Variants in DIAPH3 observed in about 807,000 individuals in gnomAD.
DIAPH3 encodes diaphanous related formin 3.
DIAPH3 carries 117 observed loss-of-function variants against 144.3 expected under a neutral mutation model. That is an observed-to-expected ratio of 0.81 (90% CI 0.70 to 0.95). The LOEUF is 0.95. Among genes scored for constraint, DIAPH3 ranks in the 40% least tolerant of loss-of-function variants. The pLI is 0.00. For synonymous variants in DIAPH3, 519 were observed against 488.9 expected (o/e 1.06, Z -0.81); for missense variants, 1,421 against 1,412.7 (o/e 1.01, Z -0.09).
intron 1 of DIAPH3, among the ~76,000 whole-genome samples, chr13:60,149,093 G>C (rs1010353337): frequency 6.6e-6 from 1 of 152,322 alleles, no homozygotes; most frequent in Middle Eastern, 3.4e-3. Context: ...GAGGAAAGGG[G>C]TTGTTTGGTT....
At chr13:59,751,888 T>C (rs553157642) in intron 27 of DIAPH3, among the ~76,000 whole-genome samples, 8 of 152,338 alleles carry the variant, frequency 5.3e-5, no homozygotes, top group South Asian at 4.1e-4. Flanking sequence ...TCAAGCTTCA[T>C]AAATTGGTCC....
intron 19 of DIAPH3, among the ~76,000 whole-genome samples, chr13:59,913,907 G>A (rs761861623): frequency 7.2e-5 from 11 of 151,834 alleles, no homozygotes; most frequent in Non-Finnish European, 1.6e-4. Context: ...GCAGTAAGCC[G>A]AGATCGCACC....
chr13:59,917,889 CAAAAAAAAAAAAAA>C (rs60792156), intron 18 of DIAPH3, among the ~76,000 whole-genome samples: 11 of 18,642 alleles, frequency 5.9e-4, no homozygotes, highest in Non-Finnish European at 9.8e-4. Flanking sequence ...GACTCTGTCT[CAAAAAAAAAAAAAA>C]AAAAAAAAAA....
At chr13:59,803,003 C>CA (rs1269382984) in intron 25 of DIAPH3, among the ~76,000 whole-genome samples, 1 of 152,064 alleles carries the variant, frequency 6.6e-6, no homozygotes, top group African/African-American at 2.4e-5. Context: ...TATGAATCAG[C>CA]AAAATTTTTC....
At chr13:59,970,122 C>A (rs1220681971) in intron 16 of DIAPH3, 64 bp from the exon 17 acceptor site, 2 of 878,126 alleles carry the variant, frequency 2.3e-6, no homozygotes, top group Non-Finnish European at 3.7e-6. Flanking sequence ...AAGTCAAGCA[C>A]TATGCATACA....
intron 27 of DIAPH3, among the ~76,000 whole-genome samples, chr13:59,773,389 C>T (rs966498542): frequency 6.6e-6 from 1 of 152,156 alleles, no homozygotes; most frequent in Admixed American, 6.5e-5. Context: ...CTTAAGTCAT[C>T]TGCACCCAAA....
chr13:59,833,199 G>T lies in DIAPH3; in HGVS notation c.2935C>A (p.Gln979Lys). 1 of 1,609,400 alleles carries T rather than the reference G, an allele frequency of 6.2e-7. No individual in the cohort carries two copies. The highest frequency in any genetic ancestry group is 8.5e-7 in the Non-Finnish European group (1 of 1,177,188). ...KLHENMEKLY[Q>K]SIIGYYAIDV... ...ATGGCATAGTATCCTATTATACTCT[G>T]GTATAACTTTTCCATGTTTTCGTGT... The change falls in exon 24 of 28, where the codon CAG becomes AAG. Residue 979 changes from glutamine (Q) to lysine (K), a missense_variant. Transcript: ENST00000400324.
At chr13:60,024,537 C>T (rs182325667) in intron 5 of DIAPH3, among the ~76,000 whole-genome samples, 1 of 152,148 alleles carries the variant, frequency 6.6e-6, no homozygotes, top group African/African-American at 2.4e-5. Context: ...CCTATTGTAA[C>T]ACTTTTATGA....
At chr13:59,936,469 C>A (rs1409795308) in intron 17 of DIAPH3, among the ~76,000 whole-genome samples, 2 of 152,222 alleles carry the variant, frequency 1.3e-5, no homozygotes, top group South Asian at 4.1e-4. Context: ...AATATTAACA[C>A]CATTCAAAAT....
intron 17 of DIAPH3, among the ~76,000 whole-genome samples, chr13:59,962,713 TA>T (rs535863626): frequency 6.6e-6 from 1 of 150,594 alleles, no homozygotes; most frequent in African/African-American, 2.4e-5. Flanking sequence ...TCCTGACCCT[TA>T]AAAAAAAACA....
chr13:59,932,245 A>G (rs575373768), intron 17 of DIAPH3, among the ~76,000 whole-genome samples: 6 of 152,146 alleles, frequency 3.9e-5, no homozygotes, highest in Non-Finnish European at 7.3e-5. Flanking sequence ...AACATTTCGT[A>G]GTCTACCTAA....
At chr13:59,859,622 C>T (rs2043458157) in intron 22 of DIAPH3, among the ~76,000 whole-genome samples, 1 of 152,168 alleles carries the variant, frequency 6.6e-6, no homozygotes, top group Non-Finnish European at 1.5e-5. Context: ...TCATCCACTA[C>T]TCCGTTATCT....
chr13:60,113,974 C>T (rs984146194), intron 2 of DIAPH3, among the ~76,000 whole-genome samples: 3 of 152,126 alleles, frequency 2.0e-5, no homozygotes, highest in African/African-American at 4.8e-5. Flanking sequence ...ATGAATACTC[C>T]GTGAGGCATA....
At chr13:59,859,771 GA>G (rs1424339482) in intron 22 of DIAPH3, among the ~76,000 whole-genome samples, 3 of 152,094 alleles carry the variant, frequency 2.0e-5, no homozygotes, top group Non-Finnish European at 4.4e-5. Flanking sequence ...GAATATCACT[GA>G]GTGATTCTGA....
intron 23 of DIAPH3, among the ~76,000 whole-genome samples, chr13:59,834,727 G>A (rs1403208465): frequency 3.3e-5 from 5 of 151,628 alleles, no homozygotes; most frequent in South Asian, 2.1e-4. Flanking sequence ...TTCTGTATTC[G>A]TCAAGAGCTT....
At chr13:59,970,110 C>T in intron 16 of DIAPH3, 52 bp from the exon 17 acceptor site, 1 of 1,044,150 alleles carries the variant, frequency 9.6e-7, no homozygotes, top group Non-Finnish European at 1.5e-6. Flanking sequence ...TTCACCTGTC[C>T]CAAGTCAAGC....
chr13:59,679,571 T>C (rs894781007), intron 27 of DIAPH3, among the ~76,000 whole-genome samples: 2 of 152,208 alleles, frequency 1.3e-5, no homozygotes, highest in African/African-American at 4.8e-5. Flanking sequence ...ATAGTACTCC[T>C]GGTAAGCTAA....
intron 19 of DIAPH3, among the ~76,000 whole-genome samples, chr13:59,914,722 A>G (rs1363512029): frequency 3.9e-5 from 6 of 152,208 alleles, no homozygotes; most frequent in East Asian, 1.9e-4. Flanking sequence ...TCTACAAGCC[A>G]TAGAGTATGA....
chr13:59,995,413 A>G (rs923438434), intron 9 of DIAPH3, among the ~76,000 whole-genome samples: 3 of 151,966 alleles, frequency 2.0e-5, no homozygotes, highest in African/African-American at 4.8e-5. Context: ...TAAGGGTAAG[A>G]AAACAAGGAA....
Sources: gnomAD v4.1 joint callset for allele counts (sites outside exome capture counted in the v4.1 genomes callset) on GRCh38, gnomAD v4.1.1 for gene constraint, MANE v1.5 for transcripts, NCBI Gene and HGNC (gene_info 2026-07-23, HGNC 2026-07-21) for gene names.